The following CDH18 variants were observed in gnomAD, a reference collection of about 807,000 sequenced individuals.
CDH18 encodes the protein cadherin-18.
In CDH18, 31 loss-of-function variants were observed where a neutral mutation model predicts 67.9. The observed-to-expected ratio is 0.46, with a 90% CI of 0.34 to 0.62. CDH18 has a LOEUF of 0.62. CDH18 is among the 20% of genes least tolerant of loss of function. The pLI is 0.01. For synonymous variants in CDH18, 362 were observed against 347.2 expected (o/e 1.04, Z -0.48); for missense variants, 890 against 975.5 (o/e 0.91, Z 1.17).
chr5:19,907,282 G>A (rs1790643167), intron 2 of CDH18, among the ~76,000 whole-genome samples: 1 of 151,928 alleles, frequency 6.6e-6, no homozygotes, highest in Non-Finnish European at 1.5e-5. Context: ...AGTATAGGTT[G>A]AGTATCTCGT....
chr5:20,058,391 A>G (rs1742177239), intron 2 of CDH18, among the ~76,000 whole-genome samples: 1 of 152,126 alleles, frequency 6.6e-6, no homozygotes, highest in African/African-American at 2.4e-5. Context: ...CAGTTAATTT[A>G]TTTGGACCAC....
At chr5:19,811,157 AGAAGGAGAGAAAGAAAGAGAAGAAAGAGG>A (rs1778685718) in intron 3 of CDH18, among the ~76,000 whole-genome samples, 2 of 30,864 alleles carry the variant, frequency 6.5e-5, no homozygotes, top group South Asian at 1.8e-3. Flanking sequence ...AAAGAAAGAA[AGAAGGAGAGAAAGAAAGAGAAGAAAGAGG>A]GAGAGAAAGA....
At chr5:20,252,624 C>T (rs1743941012) in intron 2 of CDH18, among the ~76,000 whole-genome samples, 2 of 151,958 alleles carry the variant, frequency 1.3e-5, no homozygotes, top group Admixed American at 1.3e-4. Context: ...CTTTGCTGGT[C>T]CTATGTCTTA....
At chr5:20,420,297 C>T (rs1462554342) in intron 1 of CDH18, among the ~76,000 whole-genome samples, 1 of 151,120 alleles carries the variant, frequency 6.6e-6, no homozygotes, top group Non-Finnish European at 1.5e-5. Context: ...GGCACTTGCT[C>T]TTTGTAAAGG....
At chr5:20,386,008 T>C (rs996471785) in intron 1 of CDH18, among the ~76,000 whole-genome samples, 9 of 152,218 alleles carry the variant, frequency 5.9e-5, no homozygotes, top group African/African-American at 2.2e-4. Context: ...CATTTACACA[T>C]CTATGTATGT....
intron 2 of CDH18, among the ~76,000 whole-genome samples, chr5:19,925,474 G>A (rs1383567218): frequency 1.3e-5 from 2 of 151,944 alleles, no homozygotes; most frequent in Admixed American, 1.3e-4. Context: ...GGGATGATTA[G>A]CATCGCACTG....
At chr5:20,489,905 A>G (rs1013456436) in intron 1 of CDH18, among the ~76,000 whole-genome samples, 1 of 151,676 alleles carries the variant, frequency 6.6e-6, no homozygotes, top group East Asian at 1.9e-4. Flanking sequence ...TCATGTTCTT[A>G]TCTAATAGAT....
intron 2 of CDH18, among the ~76,000 whole-genome samples, chr5:20,208,666 T>A (rs78609603): frequency 2.6e-4 from 4 of 15,574 alleles, no homozygotes; most frequent in East Asian, 2.5e-3. Context: ...CTGAGCAAAG[T>A]TTTTTTTGTG....
chr5:19,802,290 A>AGATG (rs1777552674), intron 3 of CDH18, among the ~76,000 whole-genome samples: 1 of 152,190 alleles, frequency 6.6e-6, no homozygotes, highest in African/African-American at 2.4e-5. Flanking sequence ...TGAACAAGCA[A>AGATG]TTACCGAACA....
intron 5 of CDH18, among the ~76,000 whole-genome samples, chr5:19,679,261 T>C (rs1341588028): frequency 6.6e-6 from 1 of 152,038 alleles, no homozygotes; most frequent in Non-Finnish European, 1.5e-5. Context: ...CACCCCTTCA[T>C]GTTGAAAATT....
At chr5:19,499,617 C>CT (rs1411440309) in intron 11 of CDH18, among the ~76,000 whole-genome samples, 2 of 151,674 alleles carry the variant, frequency 1.3e-5, no homozygotes. Context: ...ATTTTTTTAT[C>CT]TTTTTTGTAA....
chr5:19,507,776 G>A (rs1744445967), intron 10 of CDH18, among the ~76,000 whole-genome samples: 2 of 151,972 alleles, frequency 1.3e-5, no homozygotes. Context: ...GAGGGGCGAG[G>A]GATAACATTA....
intron 1 of CDH18, among the ~76,000 whole-genome samples, chr5:20,284,976 T>C (rs1285946609): frequency 2.0e-5 from 3 of 151,806 alleles, no homozygotes; most frequent in Non-Finnish European, 4.4e-5. Flanking sequence ...AGAATAAGAA[T>C]TGATATATTT....
intron 2 of CDH18, among the ~76,000 whole-genome samples, chr5:19,907,432 C>T (rs2150129001): frequency 6.6e-6 from 1 of 152,094 alleles, no homozygotes; most frequent in East Asian, 1.9e-4. Context: ...ACCTTATACA[C>T]ATAGCCTGGA....
intron 1 of CDH18, among the ~76,000 whole-genome samples, chr5:19,981,390 A>T (rs187047047): frequency 1.4e-5 from 2 of 147,466 alleles, no homozygotes; most frequent in Non-Finnish European, 3.0e-5. Flanking sequence ...TGCTGCTATA[A>T]CAAAACACCA....
intron 2 of CDH18, among the ~76,000 whole-genome samples, chr5:19,867,335 G>T (rs1031262019): frequency 6.6e-6 from 1 of 151,938 alleles, no homozygotes; most frequent in African/African-American, 2.4e-5. Context: ...CTGACATAAA[G>T]TTTATATTGA....
At chr5:19,930,885 TTAA>T (rs1793617751) in intron 2 of CDH18, among the ~76,000 whole-genome samples, 1 of 152,026 alleles carries the variant, frequency 6.6e-6, no homozygotes, top group African/African-American at 2.4e-5. Flanking sequence ...TTTCTGCAGC[TTAA>T]TAACAGAAAC....
chr5:19,693,773 G>A (rs1762200157), intron 5 of CDH18, among the ~76,000 whole-genome samples: 1 of 151,922 alleles, frequency 6.6e-6, no homozygotes, highest in East Asian at 2.0e-4. Flanking sequence ...GTGCCTGCCT[G>A]TAATCCCAGC....
At chr5:19,661,269 C>G (rs1347454649) in intron 5 of CDH18, among the ~76,000 whole-genome samples, 3 of 151,776 alleles carry the variant, frequency 2.0e-5, no homozygotes, top group Non-Finnish European at 4.4e-5. Flanking sequence ...TATAATAAGA[C>G]TGGAGTTTTT....
Sources: gnomAD v4.1 joint callset for allele counts (sites outside exome capture counted in the v4.1 genomes callset) on GRCh38, gnomAD v4.1.1 for gene constraint, MANE v1.5 for transcripts, NCBI Gene and HGNC (gene_info 2026-07-23, HGNC 2026-07-21) for gene names.